MYO15A: variants seen among roughly 807,000 people sequenced by gnomAD.
The protein encoded by MYO15A is unconventional myosin-XV.
Under a neutral mutation model 394.6 loss-of-function variants are expected in MYO15A, and 308 were observed. That is an observed-to-expected ratio of 0.78 (90% CI 0.71 to 0.86). The LOEUF is 0.86. Among genes scored for constraint, MYO15A ranks in the 40% least tolerant of loss-of-function variants. The pLI is 0.00. For missense variants in MYO15A, 4,606 were observed against 4,799.1 expected, an observed-to-expected ratio of 0.96 and a Z score of 1.19; for synonymous variants, 1,957 against 2,003.8, an observed-to-expected ratio of 0.98 and a Z score of 0.62.
At position 18,166,537 on chromosome 17, in the gene MYO15A, C is replaced by CT; in HGVS notation, c.9948+18dup. ...CTACAACCAGGTCAGCACACGTAGGCTTCTCTGGACTCTGGGACCTTCTAG... is the reference window on the plus strand; with the variant it reads ...CTACAACCAGGTCAGCACACGTAGGCTTTCTCTGGACTCTGGGACCTTCTAG... On this transcript the variant is annotated intron_variant, in intron 61 of 65. Coordinates refer to ENST00000647165, the MANE Select transcript of MYO15A (RefSeq NM_016239.4). 1 of 1,610,796 alleles carries CT rather than the reference C, an allele frequency of 6.2e-7. No homozygotes were observed. The highest frequency in any genetic ancestry group is 8.5e-7 in the Non-Finnish European group (1 of 1,179,996).
intron 64 of MYO15A, chr17:18,172,827 A>C (rs11654146): frequency 0.18 from 36,619 of 201,488 alleles, 3,613 homozygotes; most frequent in Middle Eastern, 0.26. Context: ...TTAACTTAGT[A>C]ACCTCTTTAA....
At chr17:18,154,082 A>C in intron 43 of MYO15A, 49 bp from the exon 44 acceptor site, 1 of 1,611,482 alleles carries the variant, frequency 6.2e-7, no homozygotes, top group Non-Finnish European at 8.5e-7. Flanking sequence ...GGTGTGAAGC[A>C]AGGCCAGGGG....
chr17:18,127,233 C>A, intron 7 of MYO15A, 68 bp downstream of exon 7: 3 of 1,562,552 alleles, frequency 1.9e-6, no homozygotes, highest in East Asian at 2.3e-5. Context: ...CATGTACTCC[C>A]GAAGAGGCAA....
At chr17:18,113,908 C>T (rs1202322497) in intron 1 of MYO15A, among the ~76,000 whole-genome samples, 1 of 152,022 alleles carries the variant, frequency 6.6e-6, no homozygotes, top group Non-Finnish European at 1.5e-5. Context: ...GCTTCCTGCA[C>T]TAGCAGGTCC....
intron 23 of MYO15A, 133 bp from the exon 24 acceptor site, chr17:18,141,945 TC>T (rs963542037): frequency 4.8e-6 from 6 of 1,260,838 alleles, no homozygotes; most frequent in Non-Finnish European, 6.9e-6. Flanking sequence ...CCTCTCCAAG[TC>T]CACCCCATCC....
rs765715388 is a variant in MYO15A, at chr17:18,119,988, G to A, written c.1188G>A (p.Glu396=). The change falls in exon 2 of 66, where the codon GAG becomes GAA. Residue 396 remains glutamate (E), a synonymous_variant. Coordinates refer to ENST00000647165, the MANE Select transcript of MYO15A (RefSeq NM_016239.4). ...GGGDEAIYPP[E]VPYFYPEESA... is the part of the protein sequence containing the mutation. ...GGGACGAGGCCATCTACCCCCCCGA[G>A]GTGCCCTATTTTTACCCGGAGGAGT... 5 of 1,613,728 alleles carry A rather than the reference G, an allele frequency of 3.1e-6. No individual in the cohort carries two copies. Among genetic ancestry groups the A allele is most frequent in the Non-Finnish European group, 4.2e-6 (5 of 1,180,020 alleles).
At chr17:18,130,613 T>C (rs1182805453) in intron 7 of MYO15A, among the ~76,000 whole-genome samples, 192 bp from the exon 8 acceptor site, 2 of 151,834 alleles carry the variant, frequency 1.3e-5, no homozygotes, top group Non-Finnish European at 2.9e-5. Flanking sequence ...ACTCAGCATA[T>C]TTTCATACCT....
At chr17:18,157,385 T>C in intron 50 of MYO15A, 155 bp downstream of exon 50, 1 of 1,118,248 alleles carries the variant, frequency 8.9e-7, no homozygotes, top group Non-Finnish European at 1.3e-6. Flanking sequence ...TATCTGTTGG[T>C]GGCCAGACAG....
rs766381236 is a variant in MYO15A, at chr17:18,153,814, C to G, written c.8006C>G (p.Thr2669Arg). ...SRSLEPPEEL[T>R]QTRLHRLINP... ...TCGCTGGAGCCCCCTGAGGAACTCA[C>G]GCAGACGCGGCTGCACCGCCTCATC... Residue 2669 changes from threonine (T) to arginine (R), a missense_variant, in exon 43 of 66, where the codon ACG becomes AGG. Transcript: ENST00000647165. This position sits in a 1 kb window ranked among gnomAD's most constrained non-coding sequence, Gnocchi z 4.1. The G allele has an allele frequency of 7.4e-6, 12 of 1,613,682 alleles. No homozygotes were observed. The highest frequency in any genetic ancestry group is 4.0e-5 in the African/African-American group (3 of 74,942).
At chr17:18,127,720 C>T (rs994863231) in intron 7 of MYO15A, among the ~76,000 whole-genome samples, 4 of 151,752 alleles carry the variant, frequency 2.6e-5, no homozygotes, top group Non-Finnish European at 5.9e-5. Context: ...TACTGAAGAC[C>T]TACTGTGTGC....
chr17:18,120,687 G>T lies in MYO15A; in HGVS notation c.1887G>T (p.Arg629Ser). 3 of 1,570,872 alleles carry T rather than the reference G, an allele frequency of 1.9e-6. No homozygotes were observed. The highest frequency in any genetic ancestry group is 1.1e-5 in the South Asian group (1 of 87,164). ...PEKPGTPIVL[R>S]RAQPRARSSN... Reference sequence around the variant, plus strand: ...AGCCCGGCACGCCCATCGTGCTGAGGAGGGCCCAGCCACGCGCTCGCAGCA... The same window carrying T: ...AGCCCGGCACGCCCATCGTGCTGAGTAGGGCCCAGCCACGCGCTCGCAGCA... The change falls in exon 2 of 66, where the codon AGG (arginine) becomes AGT (serine). Residue 629 changes from arginine to serine, a missense_variant. This residue lies in a region of MYO15A where 1,830 missense variants were observed against 1,689.7 expected (regional missense o/e 1.08). Coordinates refer to ENST00000647165, the MANE Select transcript of MYO15A (RefSeq NM_016239.4).
Position 18,148,129 on chromosome 17 carries a change from C to T in MYO15A, c.6610C>T (p.Arg2204Cys), listed in dbSNP as rs727503312. 6.2e-6 allele frequency: 10 copies of T among 1,613,686 alleles called. No individual in the cohort carries two copies. The highest frequency in any genetic ancestry group is 8.5e-6 in the Non-Finnish European group (10 of 1,180,032). Residue 2204 changes from arginine (R) to cysteine (C), a missense_variant, in exon 31 of 66, where the codon CGC (arginine) becomes TGC (cysteine). Physicochemically the swap from Arg to Cys is radical, Grantham distance 180 (BLOSUM62 -3). Coordinates refer to ENST00000647165, the MANE Select transcript of MYO15A (RefSeq NM_016239.4). This position sits in a 1 kb window ranked among gnomAD's most constrained non-coding sequence, Gnocchi z 4.8. ...CCAACAGCAGGGCTCGGGGGCTGCCCGCACCTTACCCCCGACCCAGCTCGA... is the reference window on the plus strand; with the variant it reads ...CCAACAGCAGGGCTCGGGGGCTGCCTGCACCTTACCCCCGACCCAGCTCGA... ...RAQQQGSGAA[R>C]TLPPTQLEWT...
chr17:18,162,507 A>C (rs2046791110), intron 57 of MYO15A, 78 bp from the exon 58 acceptor site: 1 of 1,305,282 alleles, frequency 7.7e-7, no homozygotes, highest in Non-Finnish European at 1.1e-6. Context: ...CAGTGGGCTC[A>C]TGGTTGGTGG....
At chr17:18,157,347 C>T in intron 50 of MYO15A, 117 bp downstream of exon 50, 2 of 1,373,116 alleles carry the variant, frequency 1.5e-6, no homozygotes. Flanking sequence ...CTGGTCAGGT[C>T]TCCTAAGGTC....
chr17:18,178,462 T>C, intron 65 of MYO15A: 1 of 513,718 alleles, frequency 1.9e-6, no homozygotes. Flanking sequence ...AATTGAGACC[T>C]TACAGATGAG....
chr17:18,141,792 G>GC, intron 23 of MYO15A, 22 bp downstream of exon 23: 1 of 1,611,700 alleles, frequency 6.2e-7, no homozygotes, highest in Non-Finnish European at 8.5e-7. Context: ...CCGACAGTCA[G>GC]CCCTTGGAGA....
Position 18,163,788 on chromosome 17 carries a change from C to G in MYO15A, c.9737C>G (p.Thr3246Arg). 6.2e-7 allele frequency: 1 copy of G among 1,614,110 alleles called. No homozygotes were observed. The highest frequency in any genetic ancestry group is 1.1e-5 in the South Asian group (1 of 91,040). The stretch of plus-strand genomic sequence containing the variant: ...GAGATATGTGCTGAGATGGCTCTGA[C>G]ACGCCCTGAGGCCTTCAATGAATAT... ...VEEICAEMALTRPEAFNEYVI... is the reference protein window; with the variant it reads ...VEEICAEMALRRPEAFNEYVI... Residue 3246 changes from threonine to arginine, a missense_variant, in exon 60 of 66, where the codon ACA (threonine) becomes AGA (arginine). This residue lies in a region of MYO15A where 2,776 missense variants were observed against 3,109.3 expected (regional missense o/e 0.89). Transcript: ENST00000647165.
rs1372336875 is a variant in MYO15A, at chr17:18,148,806, T to G, written c.6810T>G (p.Asn2270Lys). 16 of 1,605,198 alleles carry G rather than the reference T, an allele frequency of 1.0e-5. No homozygotes were observed. Among genetic ancestry groups the G allele is most frequent in the Non-Finnish European group, 1.4e-5 (16 of 1,175,824 alleles). ...GWRGWTVAMK[N>K]GVQWAELAGH... ...GCGGCTGGACCGTGGCCATGAAGAA[T>G]GGTGTCCAGTGGGCAGAGCTGGCTG... Residue 2270 changes from asparagine to lysine, a missense_variant, in exon 33 of 66, where the codon AAT (asparagine) becomes AAG (lysine). By Grantham distance (94) the Asn-to-Lys change is moderately conservative. This residue lies in a region of MYO15A where 2,776 missense variants were observed against 3,109.3 expected (regional missense o/e 0.89). Transcript: ENST00000647165. This position sits in a 1 kb window ranked among gnomAD's most constrained non-coding sequence, Gnocchi z 4.8.
At chr17:18,135,923 C>T (rs1401220918) in intron 13 of MYO15A, 99 bp downstream of exon 13, 1 of 1,073,652 alleles carries the variant, frequency 9.3e-7, no homozygotes, top group South Asian at 1.4e-5. Flanking sequence ...TCCCTCTCTC[C>T]TGCTCTCTCT....
Sources: gnomAD v4.1 joint callset for allele counts (sites outside exome capture counted in the v4.1 genomes callset) on GRCh38, gnomAD v4.1.1 for gene constraint, gnomAD v4.1.1 regional missense constraint, Gnocchi (gnomAD v3.1) non-coding constraint, MANE v1.5 for transcripts, NCBI Gene and HGNC (gene_info 2026-07-23, HGNC 2026-07-21) for gene names.